Variants in PLCB1 observed in about 807,000 individuals in gnomAD.
PLCB1 encodes phospholipase C beta 1, also known as 1-phosphatidylinositol 4,5-bisphosphate phosphodiesterase beta-1.
In PLCB1, 46 loss-of-function variants were observed where a neutral mutation model predicts 161.8. The observed-to-expected ratio is 0.28, with a 90% CI of 0.22 to 0.36. The LOEUF (loss-of-function observed/expected upper bound fraction) is 0.36, where lower values mean the gene tolerates loss of function less well. PLCB1 is among the 10% of genes least tolerant of loss of function. The pLI, the probability that PLCB1 is intolerant of heterozygous loss-of-function variation, is 1.00. For synonymous variants in PLCB1, 517 were observed against 503.7 expected, an observed-to-expected ratio of 1.03 and a Z score of -0.35; for missense variants, 1,016 against 1,472.5, an observed-to-expected ratio of 0.69 and a Z score of 5.07.
intron 31 of PLCB1, among the ~76,000 whole-genome samples, chr20:8,807,654 A>T (rs1183537874): frequency 6.6e-6 from 1 of 151,542 alleles, no homozygotes; most frequent in Non-Finnish European, 1.5e-5. Context: ...ACACAGATGC[A>T]CCCTTTTCCC....
chr20:8,608,939 G>A (rs1041567087), intron 3 of PLCB1, among the ~76,000 whole-genome samples: 5 of 152,148 alleles, frequency 3.3e-5, no homozygotes, highest in Admixed American at 6.5e-5. Context: ...CTCCTGAAAT[G>A]TATTGAGATG....
rs1277312113 is a variant in PLCB1 at position 8,508,518 on chromosome 20, C to G, written c.247-119776C>G. ...GGTAAAGATGGCTGTACGTACTATC[C>G]TTGCTTATTTCCAATCTATTGTTTA... On this transcript the variant is annotated intron_variant, in intron 3 of 31. Coordinates refer to ENST00000338037, the MANE Select transcript of PLCB1 (RefSeq NM_015192.4). Among the ~76,000 whole-genome samples, 2 of 152,138 alleles carry G rather than the reference C, an allele frequency of 1.3e-5. 1 individual carries two copies. The highest frequency in any genetic ancestry group is 2.9e-5 in the Non-Finnish European group (2 of 68,022).
chr20:8,224,294 A>T (rs761437675), intron 2 of PLCB1, among the ~76,000 whole-genome samples: 22 of 152,168 alleles, frequency 1.4e-4, no homozygotes, highest in Admixed American at 2.6e-4. Context: ...TCTATCTTTA[A>T]GGGTGGATTA....
At chr20:8,143,430 G>A (rs1403597242) in intron 1 of PLCB1, among the ~76,000 whole-genome samples, 2 of 152,176 alleles carry the variant, frequency 1.3e-5, no homozygotes, top group Non-Finnish European at 2.9e-5. Flanking sequence ...CTTTAAAAAT[G>A]TACTGATGTC....
intron 3 of PLCB1, among the ~76,000 whole-genome samples, chr20:8,475,839 A>G (rs1982254574): frequency 6.6e-6 from 1 of 152,236 alleles, no homozygotes. Flanking sequence ...GGTAAAGAGT[A>G]TATGCTATTT....
chr20:8,620,994 A>G (rs1988168765), intron 3 of PLCB1, among the ~76,000 whole-genome samples: 1 of 152,286 alleles, frequency 6.6e-6, no homozygotes, highest in South Asian at 2.1e-4. Context: ...AAGGAAGTAG[A>G]TATCATTACA....
intron 3 of PLCB1, among the ~76,000 whole-genome samples, chr20:8,392,334 G>C (rs1987634295): frequency 6.6e-6 from 1 of 152,060 alleles, no homozygotes; most frequent in African/African-American, 2.4e-5. Flanking sequence ...TCTACGCCTT[G>C]ATTTTGAGCC....
At chr20:8,862,033 CATT>C (rs1303839064) in intron 31 of PLCB1, among the ~76,000 whole-genome samples, 1 of 151,990 alleles carries the variant, frequency 6.6e-6, no homozygotes, top group Non-Finnish European at 1.5e-5. Context: ...AATAGACTGG[CATT>C]ATGTTATTAT....
chr20:8,633,995 G>A (rs760683205), intron 4 of PLCB1, among the ~76,000 whole-genome samples: 1 of 152,178 alleles, frequency 6.6e-6, no homozygotes, highest in Non-Finnish European at 1.5e-5. Flanking sequence ...GTAGTAGCCA[G>A]TAATTTACTT....
intron 2 of PLCB1, among the ~76,000 whole-genome samples, chr20:8,275,175 C>T (rs958638437): frequency 1.3e-5 from 2 of 151,392 alleles, no homozygotes; most frequent in African/African-American, 4.9e-5. Flanking sequence ...TATGTTCTTT[C>T]TAGAATTTCA....
intron 3 of PLCB1, among the ~76,000 whole-genome samples, chr20:8,570,440 T>TA (rs1247535652): frequency 3.3e-5 from 5 of 152,282 alleles, no homozygotes; most frequent in African/African-American, 1.2e-4. Context: ...TGCATATATG[T>TA]AAAGATACAT....
At chr20:8,202,163 G>A (rs1305313202) in intron 2 of PLCB1, among the ~76,000 whole-genome samples, 3 of 152,104 alleles carry the variant, frequency 2.0e-5, no homozygotes, top group African/African-American at 4.8e-5. Context: ...TGCAAACTCC[G>A]CCTCCTGGGT....
chr20:8,393,992 T>A (rs542864691), intron 3 of PLCB1, among the ~76,000 whole-genome samples: 1 of 152,188 alleles, frequency 6.6e-6, no homozygotes, highest in Non-Finnish European at 1.5e-5. Flanking sequence ...TATTATATTA[T>A]GATGTTTTGA....
rs887100989 is a variant in PLCB1, at chr20:8,675,308, A to C, written c.863-9624A>C. 5.5e-4 allele frequency among the ~76,000 whole-genome samples: 83 copies of C among 152,136 alleles called. 1 individual carries two copies. The highest frequency in any genetic ancestry group is 1.9e-3 in the African/African-American group (79 of 41,446). On this transcript the variant is annotated intron_variant, in intron 9 of 31. Coordinates refer to ENST00000338037, the MANE Select transcript of PLCB1 (RefSeq NM_015192.4). ...AAGATATCCAAGCTATTTCCCACCTAATAAGTACCTGGGAGCTCAAGCTTC... is the reference window on the plus strand; with the variant it reads ...AAGATATCCAAGCTATTTCCCACCTCATAAGTACCTGGGAGCTCAAGCTTC...
chr20:8,510,875 AAAT>A (rs1983857272), intron 3 of PLCB1, among the ~76,000 whole-genome samples: 1 of 152,234 alleles, frequency 6.6e-6, no homozygotes, highest in Non-Finnish European at 1.5e-5. Context: ...TATAATTGGC[AAAT>A]AATGATTACA....
At chr20:8,701,958 A>G (rs890584592) in intron 11 of PLCB1, among the ~76,000 whole-genome samples, 4 of 152,232 alleles carry the variant, frequency 2.6e-5, no homozygotes, top group African/African-American at 9.6e-5. Flanking sequence ...ACTATATTCT[A>G]TAGCTACACT....
At chr20:8,697,886 A>C (rs1349006606) in intron 11 of PLCB1, 103 bp downstream of exon 11, 1 of 994,298 alleles carries the variant, frequency 1.0e-6, no homozygotes, top group African/African-American at 1.6e-5. Flanking sequence ...AATTAAGTCC[A>C]AAGGCTGTTA....
chr20:8,728,419 A>G (rs2179980), intron 17 of PLCB1, among the ~76,000 whole-genome samples: 149,665 of 152,108 alleles, frequency 0.98, 73,651 homozygotes, highest in East Asian at 1. Flanking sequence ...GAAAACTGAT[A>G]ATGATAGGAA....
At chr20:8,622,525 G>A (rs1035596072) in intron 3 of PLCB1, among the ~76,000 whole-genome samples, 8 of 152,158 alleles carry the variant, frequency 5.3e-5, no homozygotes, top group Admixed American at 3.9e-4. Flanking sequence ...CTGTCCACCA[G>A]TGATGGATGA....
Sources: allele counts gnomAD v4.1 joint callset (sites outside exome capture counted in the v4.1 genomes callset), GRCh38; gene constraint gnomAD v4.1.1; transcripts MANE v1.5; gene names NCBI Gene and HGNC (gene_info 2026-07-23, HGNC 2026-07-21).